The following TSPEAR variants were observed in gnomAD, a reference collection of about 807,000 sequenced individuals.
The protein encoded by TSPEAR is thrombospondin-type laminin G domain and EAR repeat-containing protein.
TSPEAR carries 69 observed loss-of-function variants against 71.6 expected under a neutral mutation model. The observed-to-expected ratio is 0.96, with a 90% CI of 0.79 to 1.18. TSPEAR has a LOEUF of 1.18. Ranked by LOEUF, TSPEAR falls within the 50% of genes most tolerant of loss-of-function variation. The pLI, the probability that TSPEAR is intolerant of heterozygous loss-of-function variation, is 0.00. For missense variants in TSPEAR, 971 were observed against 894.9 expected, an observed-to-expected ratio of 1.09 and a Z score of -1.09; for synonymous variants, 402 against 387.2, an observed-to-expected ratio of 1.04 and a Z score of -0.45.
chr21:44,501,640 C>T (rs1181398267), intron 11 of TSPEAR, among the ~76,000 whole-genome samples: 1 of 152,148 alleles, frequency 6.6e-6, no homozygotes, highest in Non-Finnish European at 1.5e-5. Flanking sequence ...TGGCCCATGC[C>T]TGTGGTCCCA....
At chr21:44,682,175 T>C (rs8129858) in intron 1 of TSPEAR, 1,013,062 of 1,586,212 alleles carry the variant, frequency 0.64, 324,930 homozygotes, top group South Asian at 0.72. Context: ...TGTCTGGGGA[T>C]GGCCTCCCTG....
In TSPEAR at chr21:44,504,463, G is replaced by T. The variant is rs587757129; in HGVS notation, c.1856+317C>A. ...AGTGAGCCCACAGTGGGGAAGCAAGGCTCTTGGAGGAGGCCGGCCTCGGTG... is the reference window on the plus strand; with the variant it reads ...AGTGAGCCCACAGTGGGGAAGCAAGTCTCTTGGAGGAGGCCGGCCTCGGTG... On this transcript the variant is annotated intron_variant, in intron 11 of 11. Transcript: ENST00000323084. Among the ~76,000 whole-genome samples the T allele has an allele frequency of 0.021, 2,618 of 121,962 alleles. 149 individuals are homozygous for T. Among genetic ancestry groups the T allele is most frequent in the African/African-American group, 0.077 (2,339 of 30,244 alleles). 80.0% of individuals were successfully genotyped at this position (121,962 alleles called of 152,430 possible).
intron 1 of TSPEAR, chr21:44,574,997 C>A (rs1341487002): frequency 2.5e-6 from 4 of 1,608,438 alleles, no homozygotes; most frequent in Non-Finnish European, 2.5e-6. Context: ...CCTGCTGAGG[C>A]CTCCGCTCAG....
chr21:44,524,340 C>T (rs1278700859), intron 8 of TSPEAR, among the ~76,000 whole-genome samples: 6 of 151,864 alleles, frequency 4.0e-5, no homozygotes, highest in Non-Finnish European at 8.8e-5. Context: ...GATAGTAAGT[C>T]AGTTAATGAG....
At chr21:44,547,515 C>T (rs917406883) in intron 2 of TSPEAR, among the ~76,000 whole-genome samples, 33 of 152,172 alleles carry the variant, frequency 2.2e-4, no homozygotes, top group Admixed American at 1.2e-3. Context: ...GTTCTCCTCC[C>T]TCTGTGCAGT....
At chr21:44,657,213 T>C (rs1985203049) in intron 1 of TSPEAR, among the ~76,000 whole-genome samples, 1 of 152,236 alleles carries the variant, frequency 6.6e-6, no homozygotes, top group African/African-American at 2.4e-5. Context: ...CATGCATTCA[T>C]TTCTTCCTTT....
At chr21:44,552,327 C>T (rs782210406) in intron 2 of TSPEAR, among the ~76,000 whole-genome samples, 1 of 152,182 alleles carries the variant, frequency 6.6e-6, no homozygotes, top group Non-Finnish European at 1.5e-5. Context: ...GGGCAGGGAC[C>T]GTCACAGGTG....
chr21:44,697,846 T>C, intron 1 of TSPEAR: 1 of 1,603,958 alleles, frequency 6.2e-7, no homozygotes, highest in Non-Finnish European at 8.5e-7. Flanking sequence ...CCTCCTGCTG[T>C]GTCCCCACCT....
In TSPEAR at chr21:44,509,351, G is replaced by C; in HGVS notation, c.1602C>G (p.Ile534Met). 2 of 1,613,768 alleles carry C rather than the reference G, an allele frequency of 1.2e-6. No individual in the cohort carries two copies. Among genetic ancestry groups the C allele is most frequent in the East Asian group, 2.2e-5 (1 of 44,860 alleles). Residue 534 changes from isoleucine to methionine, a missense_variant, in exon 10 of 12, where the codon ATC (isoleucine) becomes ATG (methionine). Coordinates refer to ENST00000323084, the MANE Select transcript of TSPEAR (RefSeq NM_144991.3). ...CCACAGCGAGGAAGATCCTCTCCCC[G>C]ATCTGGAAGACCTCCCAGTCTGCAG... ...FGAADWEVFQIGERIFLAVAN... is the reference protein window; with the variant it reads ...FGAADWEVFQMGERIFLAVAN...
chr21:44,690,630 AAGAT>A, intron 1 of TSPEAR: 1 of 980,568 alleles, frequency 1.0e-6, no homozygotes, highest in Non-Finnish European at 1.2e-6. Context: ...GGTTAAACAG[AAGAT>A]AAGCAGTTCT....
In TSPEAR at chr21:44,676,246, C is replaced by G. The variant is rs1986307061; in HGVS notation, c.82+35187G>C. ...TTTTTGAACAGCATAAAAGCGGACT[C>G]TAAGGGTCTCTTCACTGTACACCCC... On this transcript the variant is annotated intron_variant, in intron 1 of 11. Coordinates refer to ENST00000323084, the MANE Select transcript of TSPEAR (RefSeq NM_144991.3). 3.8e-6 allele frequency: 5 copies of G among 1,299,626 alleles called. No homozygotes were observed. In the African/African-American group the frequency reaches 7.3e-5, roughly 19 times the overall value. 80.5% of individuals were successfully genotyped at this position (1,299,626 alleles called of 1,614,324 possible). A position where few individuals can be genotyped will look rare whatever the true frequency, so the allele number is the denominator to read the frequency against.
At chr21:44,633,007 G>T (rs1490412465) in intron 1 of TSPEAR, among the ~76,000 whole-genome samples, 1 of 152,060 alleles carries the variant, frequency 6.6e-6, no homozygotes, top group African/African-American at 2.4e-5. Flanking sequence ...TTGATTTTAT[G>T]TGTTAGTGTA....
chr21:44,567,314 A>G (rs2053716119), intron 2 of TSPEAR, among the ~76,000 whole-genome samples: 1 of 151,614 alleles, frequency 6.6e-6, no homozygotes, highest in South Asian at 2.1e-4. Flanking sequence ...GACCTGCTGC[A>G]CAGATATGAC....
intron 2 of TSPEAR, among the ~76,000 whole-genome samples, chr21:44,541,438 C>G (rs2053221557): frequency 6.6e-6 from 1 of 152,156 alleles, no homozygotes; most frequent in African/African-American, 2.4e-5. Context: ...ATCTGGTTTA[C>G]AAACAAAATC....
At chr21:44,655,784 T>G (rs1442270221) in intron 1 of TSPEAR, among the ~76,000 whole-genome samples, 1 of 151,994 alleles carries the variant, frequency 6.6e-6, no homozygotes, top group Non-Finnish European at 1.5e-5. Flanking sequence ...TGTCACACGG[T>G]GGGGGATGAG....
intron 1 of TSPEAR, chr21:44,601,465 G>C (rs1555928760): frequency 6.2e-7 from 1 of 1,610,596 alleles, no homozygotes; most frequent in Non-Finnish European, 8.5e-7. Flanking sequence ...CGTCTGCTCT[G>C]GGGCTTCCAC....
At chr21:44,540,033 C>T (rs587609739) in intron 2 of TSPEAR, 11 of 1,612,990 alleles carry the variant, frequency 6.8e-6, no homozygotes, top group Admixed American at 1.7e-5. Context: ...AGGCAGGGGG[C>T]CGGGGCGCAG....
At position 44,627,256 on chromosome 21, in the gene TSPEAR, C is replaced by A. The variant is rs200057010; in HGVS notation, c.83-59251G>T. 1.5e-4 allele frequency: 240 copies of A among 1,612,514 alleles called. No homozygotes were observed. The highest frequency in any genetic ancestry group is 1.7e-4 in the Non-Finnish European group (200 of 1,179,980). On this transcript the variant is annotated intron_variant, in intron 1 of 11. Transcript: ENST00000323084. ...CGACTGCCCAGAGAGCTGCTGTGAG[C>A]CCCCCTGCTGCGCCACCAGCTGCTG...
At chr21:44,503,501 GGCCGGCCTTGGTGAGCCCTTGGGGGGAA>G (rs1555911439) in intron 11 of TSPEAR, among the ~76,000 whole-genome samples, 5 of 129,260 alleles carry the variant, frequency 3.9e-5, no homozygotes, top group African/African-American at 8.9e-5. Context: ...TCTGGGAGGA[GGCCGGCCTTGGTGAGCCCTTGGGGGGAA>G]GCCGGCCTTG....
Sources: gnomAD v4.1 joint callset for allele counts (sites outside exome capture counted in the v4.1 genomes callset) on GRCh38, gnomAD v4.1.1 for gene constraint, MANE v1.5 for transcripts, NCBI Gene and HGNC (gene_info 2026-07-23, HGNC 2026-07-21) for gene names.